Variants in TSPEAR observed in about 807,000 individuals in gnomAD.
The protein encoded by TSPEAR is thrombospondin type laminin G domain and EAR repeats.
In TSPEAR, 69 loss-of-function variants were observed where a neutral mutation model predicts 71.6. That is an observed-to-expected ratio of 0.96 (90% confidence interval 0.79 to 1.18). The LOEUF is 1.18. TSPEAR is among the 50% of genes most tolerant of loss of function. The pLI, the probability that TSPEAR is intolerant of heterozygous loss-of-function variation, is 0.00. For synonymous variants in TSPEAR, 402 were observed against 387.2 expected, an observed-to-expected ratio of 1.04 and a Z score of -0.45; for missense variants, 971 against 894.9, an observed-to-expected ratio of 1.09 and a Z score of -1.09.
chr21:44,574,332 G>A, intron 1 of TSPEAR: 1 of 1,606,652 alleles, frequency 6.2e-7, no homozygotes, highest in Non-Finnish European at 8.5e-7. Context: ...GGCGGTCTGT[G>A]AGCCCAGCCC....
At chr21:44,708,007 GCA>G (rs58196199) in intron 1 of TSPEAR, among the ~76,000 whole-genome samples, 5,045 of 122,314 alleles carry the variant, frequency 0.041, 173 homozygotes, top group Admixed American at 0.09. Context: ...CCCCGCGCGT[GCA>G]CACACACACA....
At chr21:44,688,458 C>T (rs1409044518) in intron 1 of TSPEAR, among the ~76,000 whole-genome samples, 3 of 152,182 alleles carry the variant, frequency 2.0e-5, no homozygotes, top group East Asian at 1.9e-4. Context: ...CGGTGGCTCA[C>T]GCCTGTAATC....
In TSPEAR at chr21:44,557,893, A is replaced by G; in HGVS notation, c.303+9892T>C. 3 of 861,034 alleles carry G rather than the reference A, an allele frequency of 3.5e-6. No individual in the cohort carries two copies. In the South Asian group the frequency reaches 5.4e-5, roughly 15 times the overall value. The allele number at this position is 861,034 out of a possible 1,614,324, so 53.3% of individuals were successfully genotyped here. ...GCATGGAGATGAGGGTGTGGGAGAG[A>G]TGCATGCCTGGAGGGAATCGGCATG... On this transcript the variant is annotated intron_variant, in intron 2 of 11. Transcript: ENST00000323084.
intron 1 of TSPEAR, among the ~76,000 whole-genome samples, chr21:44,655,441 C>G (rs1440162969): frequency 6.6e-6 from 1 of 152,196 alleles, no homozygotes; most frequent in Non-Finnish European, 1.5e-5. Flanking sequence ...GGCGTGTGAC[C>G]ACAGTGGGCT....
At chr21:44,590,869 G>T (rs1979748861) in intron 1 of TSPEAR, among the ~76,000 whole-genome samples, 1 of 151,992 alleles carries the variant, frequency 6.6e-6, no homozygotes, top group Non-Finnish European at 1.5e-5. Flanking sequence ...TGGGGTTGGG[G>T]GCCCACGGGG....
rs781898842 is a variant in TSPEAR at position 44,506,742 on chromosome 21, C to T, written c.1755-1861G>A. The T allele has an allele frequency of 1.3e-5, 2 of 152,222 alleles. No individual in the cohort carries two copies. The highest frequency in any genetic ancestry group is 6.5e-5 in the Admixed American group (1 of 15,278). The allele number at this position is 152,222 out of a possible 1,614,324, so 9.4% of individuals were successfully genotyped here. ...CGGGCCCCGGGTCAGTGTGAATCCG[C>T]GGGGTTACTCCTCAGTCGGATCTGA... On this transcript the variant is annotated intron_variant, in intron 10 of 11. Transcript: ENST00000323084. The surrounding 1 kb of genome is among the most constrained non-coding windows in gnomAD (Gnocchi z 4.2).
chr21:44,677,753 G>C, intron 1 of TSPEAR: 1 of 1,345,200 alleles, frequency 7.4e-7, no homozygotes, highest in Non-Finnish European at 1.1e-6. Flanking sequence ...ATACACTAGA[G>C]ATTTTTAGTG....
intron 1 of TSPEAR, chr21:44,573,686 A>G: frequency 6.4e-7 from 1 of 1,567,436 alleles, no homozygotes; most frequent in Non-Finnish European, 8.7e-7. Context: ...CACAAACCCG[A>G]GCACCTCACT....
chr21:44,709,983 G>A (rs1379263257), intron 1 of TSPEAR, among the ~76,000 whole-genome samples: 1 of 152,108 alleles, frequency 6.6e-6, no homozygotes, highest in Admixed American at 6.5e-5. Flanking sequence ...AGAGGGGGAG[G>A]GCTTTATAAA....
At position 44,694,916 on chromosome 21, in the gene TSPEAR, G is replaced by A. The variant is rs143929244; in HGVS notation, c.82+16517C>T. On this transcript the variant is annotated intron_variant, in intron 1 of 11. Transcript: ENST00000323084. ...CTGAGGACACTCCGGGTGGAATGGC[G>A]TATCTTCTAGCTCTTCAATGTCCCT... Among the ~76,000 whole-genome samples, 753 of 152,300 alleles carry A rather than the reference G, an allele frequency of 4.9e-3. 3 individuals carry two copies. The highest frequency in any genetic ancestry group is 0.01 in the Middle Eastern group (3 of 294).
intron 8 of TSPEAR, 138 bp downstream of exon 8, chr21:44,525,515 A>G: frequency 1.1e-6 from 1 of 934,570 alleles, no homozygotes; most frequent in Non-Finnish European, 1.6e-6. Context: ...GACAGTGAGG[A>G]ACGGTCCAGA....
intron 1 of TSPEAR, among the ~76,000 whole-genome samples, chr21:44,592,836 G>T (rs1320801221): frequency 1.3e-5 from 2 of 152,288 alleles, no homozygotes; most frequent in East Asian, 3.9e-4. Flanking sequence ...CAGGAAGCCG[G>T]CCTCAGGAAG....
chr21:44,601,241 C>T lies in TSPEAR; in HGVS notation c.83-33236G>A, dbSNP rs587662213. 23 of 1,609,420 alleles carry T rather than the reference C, an allele frequency of 1.4e-5. 1 individual carries two copies. Among genetic ancestry groups the T allele is most frequent in the African/African-American group, 1.2e-4 (9 of 73,198 alleles). On this transcript the variant is annotated intron_variant, in intron 1 of 11. Transcript: ENST00000323084. ...GGCTGCATCAGCTCCTGCACGCCCT[C>T]GTGCTGCCAGCAGTCTAGCTGCAAG...
At chr21:44,701,562 C>T (rs1231380886) in intron 1 of TSPEAR, among the ~76,000 whole-genome samples, 1 of 152,164 alleles carries the variant, frequency 6.6e-6, no homozygotes, top group Non-Finnish European at 1.5e-5. Flanking sequence ...ACCAGATGGT[C>T]CCGTCTGGGG....
chr21:44,673,929 C>T lies in TSPEAR; in HGVS notation c.82+37504G>A, dbSNP rs192911383. ...TCAAAAAAAAATAAAAAGGGAAACA[C>T]GACATATCAAAACCTATAGGCTACA... On this transcript the variant is annotated intron_variant, in intron 1 of 11. Transcript: ENST00000323084. 7.3e-5 allele frequency among the ~76,000 whole-genome samples: 11 copies of T among 151,006 alleles called. No homozygotes were observed. In the East Asian group the frequency reaches 1.4e-3, roughly 19 times the overall value.
At chr21:44,645,359 T>C (rs1555939308) in intron 1 of TSPEAR, among the ~76,000 whole-genome samples, 5 of 10,438 alleles carry the variant, frequency 4.8e-4, no homozygotes. Flanking sequence ...GCCACTTAGC[T>C]TTTTTTTTTT....
At chr21:44,516,961 C>G (rs2052593372) in intron 9 of TSPEAR, among the ~76,000 whole-genome samples, 1 of 152,166 alleles carries the variant, frequency 6.6e-6, no homozygotes, top group African/African-American at 2.4e-5. Context: ...GCCCCTCGCT[C>G]CTGCACCCTG....
At chr21:44,652,614 G>T (rs923282741) in intron 1 of TSPEAR, among the ~76,000 whole-genome samples, 1 of 152,164 alleles carries the variant, frequency 6.6e-6, no homozygotes, top group Non-Finnish European at 1.5e-5. Context: ...GGTAGGAATG[G>T]CTTCATGTGT....
chr21:44,681,310 G>A (rs1986574434), intron 1 of TSPEAR, among the ~76,000 whole-genome samples: 1 of 152,196 alleles, frequency 6.6e-6, no homozygotes, highest in African/African-American at 2.4e-5. Context: ...TTGCTGGCCT[G>A]GAGCAGGAGT....
Sources: gnomAD v4.1 joint callset for allele counts (sites outside exome capture counted in the v4.1 genomes callset) on GRCh38, gnomAD v4.1.1 for gene constraint, Gnocchi (gnomAD v3.1) non-coding constraint, MANE v1.5 for transcripts, NCBI Gene and HGNC (gene_info 2026-07-23, HGNC 2026-07-21) for gene names.